XPNPEP1: variants seen among roughly 807,000 people sequenced by gnomAD.
XPNPEP1 encodes X-prolyl aminopeptidase 1, also known as xaa-Pro aminopeptidase 1.
In XPNPEP1, 39 loss-of-function variants were observed where a neutral mutation model predicts 92.4. The observed-to-expected ratio is 0.42, with a 90% CI of 0.33 to 0.55. XPNPEP1 has a LOEUF of 0.55. Ranked by LOEUF, XPNPEP1 falls within the 20% of genes least tolerant of loss-of-function variation. XPNPEP1 has a pLI of 0.08. For synonymous variants in XPNPEP1, 307 were observed against 299.4 expected (o/e 1.03, Z -0.26); for missense variants, 654 against 856.1 (o/e 0.76, Z 2.95).
intron 9 of XPNPEP1, among the ~76,000 whole-genome samples, chr10:109,883,486 T>C (rs947969923): frequency 6.6e-6 from 1 of 152,096 alleles, no homozygotes; most frequent in African/African-American, 2.4e-5. Context: ...CCAAATACTT[T>C]AGAAAGAGGA....
intron 20 of XPNPEP1, 53 bp from the exon 21 acceptor site, chr10:109,865,365 T>C: frequency 1.2e-6 from 2 of 1,610,238 alleles, no homozygotes; most frequent in Non-Finnish European, 1.7e-6. Flanking sequence ...CTTTAACAAC[T>C]GGCTACACAG....
chr10:109,911,623 A>G (rs1238112342), intron 2 of XPNPEP1, among the ~76,000 whole-genome samples: 1 of 152,194 alleles, frequency 6.6e-6, no homozygotes, highest in Non-Finnish European at 1.5e-5. Flanking sequence ...TTTTCAAACC[A>G]TATTTCTGAG....
rs1012158770 is a variant in XPNPEP1 at position 109,906,322 on chromosome 10, CT to C, written c.246+1368del. Among the ~76,000 whole-genome samples, 124 of 152,302 alleles carry C rather than the reference CT, an allele frequency of 8.1e-4. 1 individual carries two copies. Among genetic ancestry groups the C allele is most frequent in the African/African-American group, 2.9e-3 (120 of 41,564 alleles). ...TGGGGGATTAAGGTTCTAGTTCAAT[CT>C]GGTATCTTGAAAGTAAGAGAGGAAA... On this transcript the variant is annotated intron_variant, in intron 3 of 20. Transcript: ENST00000502935.
chr10:109,906,821 A>C (rs1849583900), intron 3 of XPNPEP1, among the ~76,000 whole-genome samples: 1 of 151,692 alleles, frequency 6.6e-6, no homozygotes, highest in African/African-American at 2.4e-5. Context: ...CCATCCCTCT[A>C]TTTACCCAAA....
chr10:109,907,739 C>T lies in XPNPEP1; in HGVS notation c.198G>A (p.Val66=), dbSNP rs1454937498. ...TGATGTAGGCCTGGATCGGTTCGGT[C>T]ACATACTCAGAGTTCCTCATGGCTT... ...LRQAMRNSEY[V]TEPIQAYIIP... is the part of the protein sequence containing the mutation. The change falls in exon 3 of 21, where the codon GTG becomes GTA. Residue 66 remains valine, a synonymous_variant. Coordinates refer to ENST00000502935, the MANE Select transcript of XPNPEP1 (RefSeq NM_020383.4). The T allele has an allele frequency of 6.2e-7, 1 of 1,614,230 alleles. No homozygotes were observed. The highest frequency in any genetic ancestry group is 8.5e-7 in the Non-Finnish European group (1 of 1,180,050).
intron 6 of XPNPEP1, 66 bp from the exon 7 acceptor site, chr10:109,888,258 C>A: frequency 6.4e-7 from 1 of 1,561,388 alleles, no homozygotes; most frequent in Non-Finnish European, 8.6e-7. Context: ...GGGAGCAGGG[C>A]CTTGAAAGTC....
At chr10:109,888,469 C>T in intron 6 of XPNPEP1, 34 bp downstream of exon 6, 1 of 1,579,558 alleles carries the variant, frequency 6.3e-7, no homozygotes, top group South Asian at 1.2e-5. Context: ...AAGCCACTTC[C>T]TTACCCAAGC....
chr10:109,914,893 C>T, intron 2 of XPNPEP1, 118 bp downstream of exon 2: 1 of 498,376 alleles, frequency 2.0e-6, no homozygotes, highest in Non-Finnish European at 3.3e-6. Context: ...AGATACTAAC[C>T]CCCAGTCATG....
chr10:109,869,216 A>C (rs1169554741), intron 19 of XPNPEP1, among the ~76,000 whole-genome samples: 1 of 152,224 alleles, frequency 6.6e-6, no homozygotes, highest in Non-Finnish European at 1.5e-5. Context: ...ATAAGATGGG[A>C]GGTCACTTCC....
At chr10:109,890,370 T>C in intron 5 of XPNPEP1, among the ~76,000 whole-genome samples, 1 of 152,162 alleles carries the variant, frequency 6.6e-6, no homozygotes, top group East Asian at 1.9e-4. Flanking sequence ...TATAAAGAAA[T>C]TACAAAGTTA....
chr10:109,907,898 G>A, intron 2 of XPNPEP1, 83 bp from the exon 3 acceptor site: 4 of 1,574,302 alleles, frequency 2.5e-6, no homozygotes, highest in Non-Finnish European at 3.4e-6. Flanking sequence ...ACAGAGAGAA[G>A]TGCCTTCTAC....
At chr10:109,905,590 T>C (rs1849516711) in intron 3 of XPNPEP1, among the ~76,000 whole-genome samples, 1 of 152,114 alleles carries the variant, frequency 6.6e-6, no homozygotes, top group African/African-American at 2.4e-5. Context: ...AGCTGTTTAA[T>C]GGATATAAAG....
intron 1 of XPNPEP1, among the ~76,000 whole-genome samples, chr10:109,916,691 C>A (rs1177557569): frequency 6.6e-6 from 1 of 152,052 alleles, no homozygotes; most frequent in African/African-American, 2.4e-5. Context: ...AAGTAAGACA[C>A]CCCAATATGT....
intron 1 of XPNPEP1, among the ~76,000 whole-genome samples, chr10:109,922,401 C>T (rs527443522): frequency 6.6e-6 from 1 of 152,234 alleles, no homozygotes; most frequent in Non-Finnish European, 1.5e-5. Context: ...CAGCACTTCA[C>T]TTACAGGAAG....
intron 1 of XPNPEP1, 182 bp downstream of exon 1, chr10:109,923,220 C>T (rs547786303): frequency 4.6e-5 from 45 of 985,252 alleles, no homozygotes; most frequent in Non-Finnish European, 5.2e-5. Flanking sequence ...GGATCTCGCC[C>T]GGCCTCATGG....
At chr10:109,916,035 G>A (rs1362567966) in intron 1 of XPNPEP1, among the ~76,000 whole-genome samples, 1 of 152,190 alleles carries the variant, frequency 6.6e-6, no homozygotes, top group Non-Finnish European at 1.5e-5. Context: ...GCAGGGGGAT[G>A]GGCAGAAGAC....
rs1420253788 is a variant in XPNPEP1 at position 109,865,181 on chromosome 10, T to G, written c.*3A>C. ...TACAAAAACAAAACCGGGGAGGTATTTATTAATGCTGTTTGGAGATGGGTT... is the reference window on the plus strand; with the variant it reads ...TACAAAAACAAAACCGGGGAGGTATGTATTAATGCTGTTTGGAGATGGGTT... On this transcript the variant is annotated 3_prime_UTR_variant, in exon 21 of 21. Transcript: ENST00000502935. The G allele has an allele frequency of 6.2e-7, 1 of 1,614,140 alleles. No individual in the cohort carries two copies. The highest frequency in any genetic ancestry group is 2.2e-5 in the East Asian group (1 of 44,882).
intron 10 of XPNPEP1, among the ~76,000 whole-genome samples, chr10:109,881,345 T>C (rs1463656000): frequency 1.3e-5 from 2 of 152,194 alleles, no homozygotes; most frequent in Non-Finnish European, 2.9e-5. Flanking sequence ...CATGACCTGA[T>C]GAGTGAGGTC....
intron 16 of XPNPEP1, among the ~76,000 whole-genome samples, chr10:109,872,618 T>C (rs1052819246): frequency 1.8e-4 from 28 of 152,242 alleles, no homozygotes; most frequent in African/African-American, 6.8e-4. Context: ...CAATGAAACC[T>C]GCCCCACTAC....
Sources: gnomAD v4.1 joint callset for allele counts (sites outside exome capture counted in the v4.1 genomes callset) on GRCh38, gnomAD v4.1.1 for gene constraint, MANE v1.5 for transcripts, NCBI Gene and HGNC (gene_info 2026-07-23, HGNC 2026-07-21) for gene names.